The following DCBLD1 variants were observed in gnomAD, a reference collection of about 807,000 sequenced individuals.
DCBLD1 encodes the protein discoidin, CUB and LCCL domain-containing protein 1.
Under a neutral mutation model 71.5 loss-of-function variants are expected in DCBLD1, and 57 were observed. The observed-to-expected ratio is 0.80, with a 90% CI of 0.64 to 0.99. The LOEUF (loss-of-function observed/expected upper bound fraction) is 0.99. Ranked by LOEUF, DCBLD1 falls within the 50% of genes least tolerant of loss-of-function variation. The pLI is 0.00. For missense variants in DCBLD1, 891 were observed against 923.5 expected, an observed-to-expected ratio of 0.96 and a Z score of 0.46; for synonymous variants, 380 against 363.8, an observed-to-expected ratio of 1.04 and a Z score of -0.51.
chr6:117,565,063 A>AT (rs1436430483), intron 14 of DCBLD1, among the ~76,000 whole-genome samples: 1 of 152,160 alleles, frequency 6.6e-6, no homozygotes, highest in African/African-American at 2.4e-5. Flanking sequence ...AGTAGGTAAA[A>AT]TTGAAAAATC....
intron 2 of DCBLD1, among the ~76,000 whole-genome samples, chr6:117,515,876 T>C (rs1268374250): frequency 6.6e-6 from 1 of 152,220 alleles, no homozygotes; most frequent in Non-Finnish European, 1.5e-5. Context: ...TCAAACTGTT[T>C]GTGGGAGGCT....
At chr6:117,523,530 G>T (rs1028768126) in intron 4 of DCBLD1, among the ~76,000 whole-genome samples, 2 of 152,130 alleles carry the variant, frequency 1.3e-5, no homozygotes, top group Non-Finnish European at 2.9e-5. Flanking sequence ...TACATCATTA[G>T]AACTGTTTTA....
intron 3 of DCBLD1, 67 bp from the exon 4 acceptor site, chr6:117,521,458 G>A (rs1778381591): frequency 1.5e-6 from 2 of 1,314,174 alleles, no homozygotes; most frequent in East Asian, 2.4e-5. Context: ...TTAAAAGAAA[G>A]CTTTGCAGCA....
chr6:117,497,695 A>G (rs1439306578), intron 1 of DCBLD1, among the ~76,000 whole-genome samples: 1 of 152,230 alleles, frequency 6.6e-6, no homozygotes, highest in Non-Finnish European at 1.5e-5. Context: ...AGTGAGAACT[A>G]CAGTATACTA....
chr6:117,486,938 C>T (rs1319069289), intron 1 of DCBLD1, among the ~76,000 whole-genome samples: 1 of 152,146 alleles, frequency 6.6e-6, no homozygotes, highest in African/African-American at 2.4e-5. Context: ...GGAGCTTGAA[C>T]TCTATTGTGA....
chr6:117,482,812 C>T lies in DCBLD1; in HGVS notation c.31C>T (p.Leu11=). 2.6e-6 allele frequency: 3 copies of T among 1,159,190 alleles called. No individual in the cohort carries two copies. Among genetic ancestry groups the T allele is most frequent in the Middle Eastern group, 3.5e-4 (1 of 2,820 alleles). 71.8% of individuals were successfully genotyped at this position (1,159,190 alleles called of 1,614,324 possible). A position where few individuals can be genotyped will look rare whatever the true frequency, so the allele number is the denominator to read the frequency against. MVPGARGGGA[L]ARAAGRGLLA... The stretch of plus-strand genomic sequence containing the variant: ...GCCCGGCGCCCGCGGCGGCGGCGCA[C>T]TGGCGCGGGCTGCCGGGCGGGGCCT... Residue 11 remains leucine, a synonymous_variant, in exon 1 of 15, where the codon CTG becomes TTG. Coordinates refer to ENST00000338728, the MANE Select transcript of DCBLD1 (RefSeq NM_001366458.2).
At chr6:117,567,110 G>C (rs752110511) in intron 14 of DCBLD1, 250 of 1,043,542 alleles carry the variant, frequency 2.4e-4, no homozygotes, top group Non-Finnish European at 3.2e-4. Context: ...ATTCTTTGTG[G>C]GAAGGCTTAG....
chr6:117,553,032 CT>C (rs1779451674), downstream of DCBLD1, among the ~76,000 whole-genome samples: 1 of 152,170 alleles, frequency 6.6e-6, no homozygotes. Context: ...CATAATTCCC[CT>C]TGAGAATACC....
At chr6:117,491,816 C>T (rs1777302339) in intron 1 of DCBLD1, among the ~76,000 whole-genome samples, 1 of 152,144 alleles carries the variant, frequency 6.6e-6, no homozygotes, top group Admixed American at 6.5e-5. Flanking sequence ...ACACAGCTCA[C>T]GTCCTAAAGT....
intron 2 of DCBLD1, among the ~76,000 whole-genome samples, chr6:117,513,111 T>C (rs900774494): frequency 3.9e-5 from 6 of 152,300 alleles, no homozygotes; most frequent in African/African-American, 1.4e-4. Flanking sequence ...TCCAGGAGAA[T>C]AGAGAAGTAC....
chr6:117,516,248 C>G (rs1202616152), intron 2 of DCBLD1, among the ~76,000 whole-genome samples: 1 of 150,910 alleles, frequency 6.6e-6, no homozygotes, highest in Non-Finnish European at 1.5e-5. Context: ...GTAGTCCCAG[C>G]TACTCAGGAG....
At chr6:117,499,083 T>G (rs140767408) in intron 1 of DCBLD1, among the ~76,000 whole-genome samples, 5 of 151,598 alleles carry the variant, frequency 3.3e-5, no homozygotes, top group Non-Finnish European at 7.4e-5. Context: ...GAGCTTTTTT[T>G]TGCAGATCTG....
At chr6:117,493,460 C>T (rs1049923765) in intron 1 of DCBLD1, among the ~76,000 whole-genome samples, 7 of 151,770 alleles carry the variant, frequency 4.6e-5, no homozygotes, top group South Asian at 4.2e-4. Context: ...AAGAGTACTT[C>T]GATAATTTAA....
chr6:117,482,679 G>A lies in DCBLD1; in HGVS notation c.-103G>A, dbSNP rs1163759119. On this transcript the variant is annotated 5_prime_UTR_variant, in exon 1 of 15. Coordinates refer to ENST00000338728, the MANE Select transcript of DCBLD1 (RefSeq NM_001366458.2). ...CGGGGCAGCGACTGCGCCCCGTCCC[G>A]GCGCCGCGCTCGTCCGCAGAGGAGG... is the stretch of plus-strand genomic sequence containing the variant. 8.8e-5 allele frequency: 95 copies of A among 1,078,772 alleles called. No individual in the cohort carries two copies. Among genetic ancestry groups the A allele is most frequent in the Non-Finnish European group, 1.0e-4 (93 of 891,418 alleles). 66.8% of individuals were successfully genotyped at this position (1,078,772 alleles called of 1,614,324 possible).
At chr6:117,552,083 G>A (rs1409507821), downstream of DCBLD1, among the ~76,000 whole-genome samples, 1 of 152,196 alleles carries the variant, frequency 6.6e-6, no homozygotes, top group African/African-American at 2.4e-5. Context: ...TCACGCCACG[G>A]CACTCCAGCC....
At chr6:117,514,831 A>C (rs1778137225) in intron 2 of DCBLD1, among the ~76,000 whole-genome samples, 1 of 152,058 alleles carries the variant, frequency 6.6e-6, no homozygotes, top group African/African-American at 2.4e-5. Context: ...CTATATTTAC[A>C]TGTTTTTGGT....
At chr6:117,495,664 T>G (rs1777443866) in intron 1 of DCBLD1, among the ~76,000 whole-genome samples, 1 of 152,212 alleles carries the variant, frequency 6.6e-6, no homozygotes, top group Non-Finnish European at 1.5e-5. Flanking sequence ...TAGGAAATGA[T>G]AGGTGTGTCA....
At chr6:117,562,047 C>T (rs1484576489) in intron 14 of DCBLD1, 5 of 206,472 alleles carry the variant, frequency 2.4e-5, no homozygotes, top group Non-Finnish European at 4.0e-5. Context: ...GCAAAGCTAT[C>T]ACCTCTTTAA....
chr6:117,503,392 T>C (rs371757802), intron 1 of DCBLD1, among the ~76,000 whole-genome samples: 1 of 152,306 alleles, frequency 6.6e-6, no homozygotes, highest in East Asian at 1.9e-4. Context: ...GTGAGTAATA[T>C]TTTTTCTCCA....
Sources: gnomAD v4.1 joint callset for allele counts (sites outside exome capture counted in the v4.1 genomes callset) on GRCh38, gnomAD v4.1.1 for gene constraint, MANE v1.5 for transcripts, NCBI Gene and HGNC (gene_info 2026-07-23, HGNC 2026-07-21) for gene names.